QKI: variants seen among roughly 807,000 people sequenced by gnomAD.
QKI encodes the protein KH domain-containing RNA-binding protein QKI.
In QKI, 10 loss-of-function variants were observed where a neutral mutation model predicts 39.0. The observed-to-expected ratio is 0.26, with a 90% CI of 0.16 to 0.43. QKI has a LOEUF of 0.43. Among genes scored for constraint, QKI ranks in the 20% least tolerant of loss-of-function variants. The probability of loss-of-function intolerance (pLI) is 1.00; values close to 1 mark genes in which losing one functional copy is unlikely to be tolerated. For synonymous variants in QKI, 204 were observed against 155.4 expected, an observed-to-expected ratio of 1.31 and a Z score of -2.33; for missense variants, 218 against 428.0, an observed-to-expected ratio of 0.51 and a Z score of 4.33.
At chr6:163,450,460 A>G (rs1266207015) in intron 1 of QKI, among the ~76,000 whole-genome samples, 1 of 152,220 alleles carries the variant, frequency 6.6e-6, no homozygotes, top group African/African-American at 2.4e-5. Context: ...GCCAAAGACA[A>G]ACATGAGCTG....
At chr6:163,430,090 A>T (rs1160256426) in intron 1 of QKI, among the ~76,000 whole-genome samples, 1 of 152,176 alleles carries the variant, frequency 6.6e-6, no homozygotes, top group Non-Finnish European at 1.5e-5. Context: ...CGTTCTAGAC[A>T]CAGGGAACGG....
intron 3 of QKI, among the ~76,000 whole-genome samples, chr6:163,515,840 C>G (rs1339555430): frequency 6.6e-6 from 1 of 152,070 alleles, no homozygotes; most frequent in South Asian, 2.1e-4. Flanking sequence ...ATTTAAGATA[C>G]AAAATAAGTC....
intron 1 of QKI, among the ~76,000 whole-genome samples, chr6:163,434,808 T>C (rs1358764863): frequency 1.3e-5 from 2 of 152,140 alleles, no homozygotes; most frequent in African/African-American, 2.4e-5. Flanking sequence ...AAATATGTCA[T>C]AGGAACTAGC....
At chr6:163,534,540 C>G (rs1486838471) in intron 3 of QKI, among the ~76,000 whole-genome samples, 1 of 152,208 alleles carries the variant, frequency 6.6e-6, no homozygotes, top group African/African-American at 2.4e-5. Flanking sequence ...AGCTGTGTGA[C>G]ATTGAGAGGT....
chr6:163,560,161 A>G (rs1782905204), intron 4 of QKI, among the ~76,000 whole-genome samples: 1 of 152,194 alleles, frequency 6.6e-6, no homozygotes, highest in South Asian at 2.1e-4. Flanking sequence ...GGGGTTAGGC[A>G]GTGGTAACAA....
chr6:163,474,830 T>C (rs1387834858), intron 2 of QKI, among the ~76,000 whole-genome samples: 2 of 125,906 alleles, frequency 1.6e-5, no homozygotes, highest in Non-Finnish European at 3.4e-5. Flanking sequence ...GAGGCTGAGG[T>C]GGGAGGATTG....
At chr6:163,559,740 A>G (rs145573670) in intron 4 of QKI, among the ~76,000 whole-genome samples, 4 of 152,310 alleles carry the variant, frequency 2.6e-5, no homozygotes, top group African/African-American at 9.6e-5. Context: ...TGTTTACTAT[A>G]TATTATAGTA....
chr6:163,478,120 A>G (rs1353532924), intron 2 of QKI, among the ~76,000 whole-genome samples: 6 of 152,066 alleles, frequency 3.9e-5, no homozygotes, highest in Non-Finnish European at 8.8e-5. Context: ...ATTTCTGTTG[A>G]GGGATGGTAA....
At chr6:163,520,950 G>C (rs999076488) in intron 3 of QKI, among the ~76,000 whole-genome samples, 1 of 152,124 alleles carries the variant, frequency 6.6e-6, no homozygotes, top group Non-Finnish European at 1.5e-5. Context: ...GGATGACAGA[G>C]GTGATGTAAG....
chr6:163,424,438 C>G (rs1435328606), intron 1 of QKI, among the ~76,000 whole-genome samples: 1 of 152,096 alleles, frequency 6.6e-6, no homozygotes, highest in African/African-American at 2.4e-5. Flanking sequence ...GTACTATAGA[C>G]CTGGGATCTA....
chr6:163,550,008 C>T (rs758409176), intron 4 of QKI, among the ~76,000 whole-genome samples: 5 of 152,124 alleles, frequency 3.3e-5, no homozygotes, highest in African/African-American at 9.7e-5. Flanking sequence ...AAGCTTTGAC[C>T]GTGCAGTCAA....
chr6:163,563,858 T>C (rs971229217), intron 6 of QKI, 139 bp downstream of exon 6: 5 of 1,447,780 alleles, frequency 3.5e-6, no homozygotes, highest in Non-Finnish European at 4.5e-6. Context: ...AATTTTGTTT[T>C]ATTTCAGCCT....
intron 3 of QKI, among the ~76,000 whole-genome samples, chr6:163,532,257 C>T (rs1310844487): frequency 6.6e-6 from 1 of 152,114 alleles, no homozygotes; most frequent in East Asian, 1.9e-4. Context: ...GTATTAGTAT[C>T]TATATGCATT....
intron 4 of QKI, among the ~76,000 whole-genome samples, chr6:163,542,512 T>C (rs1241651375): frequency 1.3e-5 from 2 of 152,038 alleles, no homozygotes; most frequent in African/African-American, 4.8e-5. Flanking sequence ...AAGGTTTCCA[T>C]TGGGGAGATA....
chr6:163,436,880 T>C (rs1789339462), intron 1 of QKI, among the ~76,000 whole-genome samples: 1 of 151,982 alleles, frequency 6.6e-6, no homozygotes, highest in African/African-American at 2.4e-5. Flanking sequence ...ATATTTTTCA[T>C]TGAAAGTAGT....
chr6:163,557,432 A>C (rs1583217831), intron 4 of QKI, among the ~76,000 whole-genome samples: 2 of 152,354 alleles, frequency 1.3e-5, no homozygotes, highest in East Asian at 3.9e-4. Flanking sequence ...AGTCAGGCAC[A>C]GAAAGAATCT....
At chr6:163,450,975 G>A (rs1269252760) in intron 1 of QKI, among the ~76,000 whole-genome samples, 5 of 152,104 alleles carry the variant, frequency 3.3e-5, no homozygotes, top group South Asian at 2.1e-4. Context: ...TTGGGATCTG[G>A]GCCAAAGAAA....
intron 3 of QKI, among the ~76,000 whole-genome samples, chr6:163,496,038 G>A (rs140003667): frequency 1.1e-4 from 17 of 152,096 alleles, no homozygotes; most frequent in African/African-American, 2.9e-4. Context: ...TCCAATTTTC[G>A]TATCATTCCC....
intron 3 of QKI, among the ~76,000 whole-genome samples, chr6:163,524,225 A>G (rs1780330096): frequency 2.0e-5 from 3 of 152,172 alleles, no homozygotes; most frequent in Admixed American, 6.5e-5. Context: ...TCTGAAACCC[A>G]AAGATTACAG....
Sources: gnomAD v4.1 joint callset for allele counts (sites outside exome capture counted in the v4.1 genomes callset) on GRCh38, gnomAD v4.1.1 for gene constraint, MANE v1.5 for transcripts, NCBI Gene and HGNC (gene_info 2026-07-23, HGNC 2026-07-21) for gene names.